FBXO42: variants seen among roughly 807,000 people sequenced by gnomAD.
The protein encoded by FBXO42 is F-box protein 42, also known as F-box only protein 42.
A neutral mutation model predicts 71.7 loss-of-function variants in FBXO42; 12 were observed. That is an observed-to-expected ratio of 0.17 (90% CI 0.11 to 0.27). The LOEUF (loss-of-function observed/expected upper bound fraction) is 0.27, where lower values mean the gene tolerates loss of function less well. FBXO42 is among the 10% of genes least tolerant of loss of function. The pLI, the probability that FBXO42 is intolerant of heterozygous loss-of-function variation, is 1.00. For missense variants in FBXO42, 707 were observed against 911.9 expected, an observed-to-expected ratio of 0.78 and a Z score of 2.89; for synonymous variants, 325 against 327.5, an observed-to-expected ratio of 0.99 and a Z score of 0.08.
At chr1:16,304,735 G>A (rs999298307) in intron 3 of FBXO42, among the ~76,000 whole-genome samples, 2 of 151,956 alleles carry the variant, frequency 1.3e-5, no homozygotes, top group Admixed American at 6.6e-5. Context: ...TTGGGAGGCC[G>A]AGGTGGGTGG....
At chr1:16,346,131 C>T (rs2082652757) in intron 1 of FBXO42, among the ~76,000 whole-genome samples, 1 of 152,130 alleles carries the variant, frequency 6.6e-6, no homozygotes, top group South Asian at 2.1e-4. Flanking sequence ...AGCAAGGAAA[C>T]TTATTTGCTA....
intron 6 of FBXO42, among the ~76,000 whole-genome samples, chr1:16,255,291 A>G (rs1208020286): frequency 6.6e-6 from 1 of 152,000 alleles, no homozygotes; most frequent in African/African-American, 2.4e-5. Context: ...TGAGATAACT[A>G]ATTGGATTAA....
chr1:16,271,575 C>T (rs2081846179), intron 4 of FBXO42, among the ~76,000 whole-genome samples: 1 of 151,998 alleles, frequency 6.6e-6, no homozygotes, highest in Non-Finnish European at 1.5e-5. Context: ...GCCACCGCAC[C>T]TGGCCCCTAA....
chr1:16,313,754 G>C (rs12121880), intron 2 of FBXO42, among the ~76,000 whole-genome samples: 28,980 of 151,978 alleles, frequency 0.19, 3,190 homozygotes, highest in Non-Finnish European at 0.24. Context: ...TATATCTCTG[G>C]CTGCCTTGTT....
At chr1:16,300,052 C>A (rs1391601316) in intron 3 of FBXO42, among the ~76,000 whole-genome samples, 3 of 152,102 alleles carry the variant, frequency 2.0e-5, no homozygotes, top group African/African-American at 7.2e-5. Context: ...GGAGGAAGAC[C>A]CAACAAGTTC....
chr1:16,267,366 C>G (rs1004507820), intron 4 of FBXO42, among the ~76,000 whole-genome samples: 3 of 152,176 alleles, frequency 2.0e-5, no homozygotes, highest in Admixed American at 1.3e-4. Flanking sequence ...CTTGGTTCTA[C>G]CCAGGAGTGC....
chr1:16,281,770 C>T (rs1169062466), intron 4 of FBXO42, among the ~76,000 whole-genome samples: 1 of 151,762 alleles, frequency 6.6e-6, no homozygotes, highest in African/African-American at 2.4e-5. Flanking sequence ...GATTCTCCTG[C>T]CTCAGCCTCC....
intron 1 of FBXO42, among the ~76,000 whole-genome samples, chr1:16,347,509 C>T (rs1262198636): frequency 6.6e-6 from 1 of 151,918 alleles, no homozygotes; most frequent in Non-Finnish European, 1.5e-5. Flanking sequence ...GAGAGACTTC[C>T]TCTCAAAACA....
intron 7 of FBXO42, 51 bp downstream of exon 7, chr1:16,253,584 A>G (rs1488288876): frequency 6.4e-7 from 1 of 1,568,250 alleles, no homozygotes; most frequent in Non-Finnish European, 8.8e-7. Context: ...TCCCGTCCTA[A>G]CTGAAAGACG....
chr1:16,282,980 C>CAAA (rs57691487), intron 4 of FBXO42, among the ~76,000 whole-genome samples: 1 of 98,386 alleles, frequency 1.0e-5, no homozygotes, highest in African/African-American at 3.4e-5. Flanking sequence ...GACTCCGTCT[C>CAAA]AAAAAAAAAA....
chr1:16,346,096 T>C (rs915887382), intron 1 of FBXO42, among the ~76,000 whole-genome samples: 1 of 152,120 alleles, frequency 6.6e-6, no homozygotes, highest in African/African-American at 2.4e-5. Context: ...TTAAAATCCA[T>C]GTACAATATA....
intron 2 of FBXO42, among the ~76,000 whole-genome samples, chr1:16,314,485 T>TA (rs1428116656): frequency 6.6e-6 from 1 of 152,210 alleles, no homozygotes; most frequent in Non-Finnish European, 1.5e-5. Flanking sequence ...CTGTCATCTA[T>TA]AAAATGCAGG....
At chr1:16,298,145 G>A (rs1328916541) in intron 3 of FBXO42, among the ~76,000 whole-genome samples, 1 of 152,062 alleles carries the variant, frequency 6.6e-6, no homozygotes, top group Non-Finnish European at 1.5e-5. Context: ...AGAATCGCTC[G>A]AACCCGGGAG....
At chr1:16,330,991 C>T (rs563569389) in intron 1 of FBXO42, among the ~76,000 whole-genome samples, 4 of 150,570 alleles carry the variant, frequency 2.7e-5, no homozygotes, top group South Asian at 2.1e-4. Context: ...CATGGTGGCG[C>T]GTGCCTGTAG....
At chr1:16,315,549 G>C in intron 1 of FBXO42, 114 bp from the exon 2 acceptor site, 2 of 1,045,694 alleles carry the variant, frequency 1.9e-6, no homozygotes, top group Non-Finnish European at 2.7e-6. Flanking sequence ...TGTGAAATCT[G>C]CTCTTCAGCA....
intron 6 of FBXO42, among the ~76,000 whole-genome samples, chr1:16,255,329 C>T (rs562663714): frequency 1.4e-5 from 2 of 148,108 alleles, no homozygotes; most frequent in African/African-American, 5.0e-5. Flanking sequence ...AATACTGACC[C>T]TAACTTACTT....
At chr1:16,347,513 CA>C (rs1351212304) in intron 1 of FBXO42, among the ~76,000 whole-genome samples, 1 of 151,646 alleles carries the variant, frequency 6.6e-6, no homozygotes, top group Non-Finnish European at 1.5e-5. Flanking sequence ...GACTTCCTCT[CA>C]AAACAAACAA....
chr1:16,296,556 A>G (rs2100534502), intron 3 of FBXO42, among the ~76,000 whole-genome samples: 1 of 149,428 alleles, frequency 6.7e-6, no homozygotes, highest in East Asian at 2.1e-4. Context: ...AGGCTGAGGC[A>G]GGAGAATCGC....
chr1:16,326,046 GTGTC>G lies in FBXO42; in HGVS notation c.-17-10615_-17-10612del, dbSNP rs1391476278. On this transcript the variant is annotated intron_variant, in intron 1 of 9. Coordinates refer to ENST00000375592, the MANE Select transcript of FBXO42 (RefSeq NM_018994.3). ...TGTGTGTGTGTGTGTGTGTGTGTGT[GTGTC>G]TGTGTGTGTCTGTGTGTGTTTTGAG... is the stretch of plus-strand genomic sequence containing the variant. Among the ~76,000 whole-genome samples the G allele has an allele frequency of 7.2e-5, 10 of 138,608 alleles. No individual in the cohort carries two copies. In the East Asian group the frequency reaches 9.8e-4, roughly 14 times the overall value. The allele number at this position is 138,608 out of a possible 152,430, so 90.9% of individuals were successfully genotyped here.
Sources: allele counts gnomAD v4.1 joint callset (sites outside exome capture counted in the v4.1 genomes callset), GRCh38; gene constraint gnomAD v4.1.1; transcripts MANE v1.5; gene names NCBI Gene and HGNC (gene_info 2026-07-23, HGNC 2026-07-21).